The following GPHN variants were observed in gnomAD, a reference collection of about 807,000 sequenced individuals.
GPHN encodes the protein gephyrin.
A neutral mutation model predicts 95.5 loss-of-function variants in GPHN; 17 were observed. The observed-to-expected ratio is 0.18, with a 90% CI of 0.12 to 0.27. The LOEUF (loss-of-function observed/expected upper bound fraction) is 0.27, where lower values mean the gene tolerates loss of function less well. Ranked by LOEUF, GPHN falls within the 10% of genes least tolerant of loss-of-function variation. GPHN has a pLI of 1.00. For synonymous variants in GPHN, 320 were observed against 322.5 expected (o/e 0.99, Z 0.08); for missense variants, 660 against 978.1 (o/e 0.67, Z 4.34).
At chr14:67,462,291 A>G in the GPHN span, among the ~76,000 whole-genome samples, 1 of 152,308 alleles carries the variant, frequency 6.6e-6, no homozygotes, top group Middle Eastern at 3.4e-3. Flanking sequence ...GAAAGTTCTC[A>G]CTGCTGTATA....
intron 1 of GPHN, among the ~76,000 whole-genome samples, chr14:66,535,338 A>T (rs1594859327): frequency 6.6e-6 from 1 of 152,156 alleles, no homozygotes. Context: ...TTTATGTACA[A>T]ATACTACCCT....
At chr14:67,212,033 AACC>A in the GPHN span, among the ~76,000 whole-genome samples, 1 of 152,140 alleles carries the variant, frequency 6.6e-6, no homozygotes, top group Non-Finnish European at 1.5e-5. Context: ...ATGTAATCTT[AACC>A]ACTGTGAAGA....
At chr14:67,301,896 T>A in the GPHN span, 29 of 1,437,604 alleles carry the variant, frequency 2.0e-5, no homozygotes, top group East Asian at 6.7e-4. Context: ...CAGAATACTA[T>A]GTACATAGGT....
At chr14:66,989,820 T>C (rs1042581138) in intron 9 of GPHN, among the ~76,000 whole-genome samples, 3 of 152,136 alleles carry the variant, frequency 2.0e-5, no homozygotes, top group African/African-American at 4.8e-5. Context: ...ATATTAAAAA[T>C]TGATGCTAAA....
intron 1 of GPHN, among the ~76,000 whole-genome samples, chr14:66,599,131 A>G (rs1169548619): frequency 1.3e-5 from 2 of 152,098 alleles, no homozygotes; most frequent in African/African-American, 4.8e-5. Context: ...ACTTTTTATT[A>G]AAAAATAGTA....
the GPHN span, among the ~76,000 whole-genome samples, chr14:67,372,849 C>CA: frequency 6.6e-6 from 1 of 150,528 alleles, no homozygotes. Flanking sequence ...AAAAAACAAA[C>CA]AAAAAAACCC....
chr14:67,010,264 G>C (rs1469262264), intron 9 of GPHN, among the ~76,000 whole-genome samples: 1 of 150,502 alleles, frequency 6.6e-6, no homozygotes, highest in Non-Finnish European at 1.5e-5. Context: ...AGTAAATCAA[G>C]AATAGGCCGG....
At chr14:66,842,962 T>C (rs1416011876) in intron 4 of GPHN, among the ~76,000 whole-genome samples, 1 of 152,170 alleles carries the variant, frequency 6.6e-6, no homozygotes, top group Non-Finnish European at 1.5e-5. Flanking sequence ...TATTGATTAC[T>C]GTATCCTAGA....
chr14:66,520,398 A>C lies in GPHN; in HGVS notation c.64+11807A>C, dbSNP rs554007850. 5.3e-5 allele frequency among the ~76,000 whole-genome samples: 8 copies of C among 152,268 alleles called. No individual in the cohort carries two copies. In the South Asian group the frequency reaches 1.7e-3, roughly 32 times the overall value. ...TTGAGTTACACAGGATCCTTTTATT[A>C]GGATTCTTTATTGCAAATGAGAGTT... On this transcript the variant is annotated intron_variant, in intron 1 of 22. Transcript: ENST00000478722.
intron 4 of GPHN, among the ~76,000 whole-genome samples, chr14:66,851,141 CTTTTA>C (rs2062563712): frequency 6.6e-6 from 1 of 151,116 alleles, no homozygotes; most frequent in Non-Finnish European, 1.5e-5. Flanking sequence ...TATTCCTTAC[CTTTTA>C]TTTAATTTAC....
chr14:67,357,523 C>T, the GPHN span, among the ~76,000 whole-genome samples: 1 of 152,208 alleles, frequency 6.6e-6, no homozygotes, highest in Admixed American at 6.5e-5. Context: ...CATTTTCTTA[C>T]CTAAGCCCAA....
the GPHN span, chr14:67,301,370 C>T: frequency 1.1e-5 from 17 of 1,575,352 alleles, no homozygotes; most frequent in Non-Finnish European, 1.4e-5. Flanking sequence ...GAAGAATAAT[C>T]TTTATTTTTG....
the GPHN span, among the ~76,000 whole-genome samples, chr14:67,564,302 CCTTA>C: frequency 6.6e-6 from 1 of 152,160 alleles, no homozygotes; most frequent in Non-Finnish European, 1.5e-5. Context: ...AGGCCAGCTT[CCTTA>C]CTTGTAACAT....
At chr14:66,865,789 G>A (rs900138618) in intron 4 of GPHN, among the ~76,000 whole-genome samples, 2 of 152,042 alleles carry the variant, frequency 1.3e-5, no homozygotes, top group Non-Finnish European at 2.9e-5. Flanking sequence ...AGTATTGCCT[G>A]CTTACAAAAT....
At chr14:67,497,147 G>C in the GPHN span, among the ~76,000 whole-genome samples, 1 of 152,122 alleles carries the variant, frequency 6.6e-6, no homozygotes, top group Non-Finnish European at 1.5e-5. Context: ...ATGGTAAGGA[G>C]AAATCACAGC....
At chr14:67,140,679 T>C (rs183955838) in intron 17 of GPHN, among the ~76,000 whole-genome samples, 15 of 152,326 alleles carry the variant, frequency 9.8e-5, no homozygotes, top group Non-Finnish European at 1.5e-4. Flanking sequence ...ATGCTGTGTT[T>C]GGGATGTTTT....
chr14:67,550,634 A>T, the GPHN span, among the ~76,000 whole-genome samples: 147 of 152,266 alleles, frequency 9.7e-4, 1 homozygote, highest in Non-Finnish European at 4.6e-4. Context: ...GAAGGGCTAA[A>T]GCCACTTACT....
intron 2 of GPHN, among the ~76,000 whole-genome samples, chr14:66,763,855 T>G (rs1300473926): frequency 2.0e-5 from 3 of 152,096 alleles, no homozygotes; most frequent in Non-Finnish European, 2.9e-5. Flanking sequence ...CTCCACCTTT[T>G]GTCAGATCAG....
At chr14:67,574,022 C>A in the GPHN span, 1 of 727,998 alleles carries the variant, frequency 1.4e-6, no homozygotes, top group Non-Finnish European at 2.4e-6. This position sits in a 1 kb window ranked among gnomAD's most constrained non-coding sequence, Gnocchi z 4.2. Flanking sequence ...GTGATCCTAA[C>A]TTGTGAGTAC....
Sources: gnomAD v4.1 joint callset for allele counts (sites outside exome capture counted in the v4.1 genomes callset) on GRCh38, gnomAD v4.1.1 for gene constraint, Gnocchi (gnomAD v3.1) non-coding constraint, MANE v1.5 for transcripts, NCBI Gene and HGNC (gene_info 2026-07-23, HGNC 2026-07-21) for gene names.